QSER1: variants seen among roughly 807,000 people sequenced by gnomAD.
The protein encoded by QSER1 is glutamine and serine rich 1, also known as glutamine and serine-rich protein 1.
A neutral mutation model predicts 158.5 loss-of-function variants in QSER1; 49 were observed. The ratio of observed to expected loss-of-function variants is 0.31; its 90% CI spans 0.25 to 0.39. QSER1 has a LOEUF of 0.39. QSER1 is among the 10% of genes least tolerant of loss of function. The probability of loss-of-function intolerance (pLI) is 1.00; values close to 1 mark genes in which losing one functional copy is unlikely to be tolerated. For missense variants in QSER1, 1,754 were observed against 2,010.3 expected (o/e 0.87, Z 2.44); for synonymous variants, 650 against 715.5 (o/e 0.91, Z 1.46).
At chr11:32,935,543 C>A in intron 4 of QSER1, 108 bp downstream of exon 4, 1 of 822,482 alleles carries the variant, frequency 1.2e-6, no homozygotes, top group Non-Finnish European at 1.9e-6. Flanking sequence ...AGTACATTTT[C>A]AGGACAAAAT....
At chr11:32,920,554 C>CATGA (rs979463502) in intron 1 of QSER1, among the ~76,000 whole-genome samples, 1 of 152,112 alleles carries the variant, frequency 6.6e-6, no homozygotes, top group African/African-American at 2.4e-5. Flanking sequence ...TTGTGCTGTA[C>CATGA]ATGATACCAT....
rs1851509861 is a variant in QSER1, at chr11:32,893,368, C to G, written c.209+34C>G. ...GGTGGGCGGCGGGGTCGCGGTGGAC[C>G]AGGAAAGGCCGGGGATGCGTTTGGG... On this transcript the variant is annotated intron_variant, in intron 1 of 12. Coordinates refer to ENST00000650167, the MANE Select transcript of QSER1 (RefSeq NM_001076786.3). The surrounding 1 kb of genome is among the most constrained non-coding windows in gnomAD (Gnocchi z 4.7). The G allele has an allele frequency of 6.6e-6, 1 of 152,382 alleles. No homozygotes were observed. 9.4% of individuals were successfully genotyped at this position (152,382 alleles called of 1,614,324 possible).
At chr11:32,947,936 T>C (rs1299544656) in intron 4 of QSER1, among the ~76,000 whole-genome samples, 1 of 152,220 alleles carries the variant, frequency 6.6e-6, no homozygotes, top group Non-Finnish European at 1.5e-5. Context: ...TTTTTCCATA[T>C]CTATGTTTTC....
intron 4 of QSER1, among the ~76,000 whole-genome samples, chr11:32,950,261 A>C (rs571492596): frequency 6.6e-6 from 1 of 151,882 alleles, no homozygotes; most frequent in Non-Finnish European, 1.5e-5. Context: ...CACCTGGCTA[A>C]TTTTTGTATT....
At chr11:32,896,475 C>T (rs2133483303) in intron 1 of QSER1, among the ~76,000 whole-genome samples, 1 of 152,266 alleles carries the variant, frequency 6.6e-6, no homozygotes, top group South Asian at 2.1e-4. Context: ...CTGCCTCAGC[C>T]TCCTGAGTAG....
At chr11:32,927,907 A>G in intron 2 of QSER1, 55 bp from the exon 3 acceptor site, 1 of 437,658 alleles carries the variant, frequency 2.3e-6, no homozygotes, top group Non-Finnish European at 3.8e-6. Flanking sequence ...AATATAATTT[A>G]TACAAGTAAA....
At position 32,934,269 on chromosome 11, in the gene QSER1, A is replaced by G; in HGVS notation, c.3011A>G (p.Asn1004Ser). The G allele has an allele frequency of 6.2e-7, 1 of 1,614,048 alleles. No homozygotes were observed. Among genetic ancestry groups the G allele is most frequent in the Non-Finnish European group, 8.5e-7 (1 of 1,179,980 alleles). Residue 1004 changes from asparagine to serine, a missense_variant, in exon 4 of 13, where the codon AAT (asparagine) becomes AGT (serine). Coordinates refer to ENST00000650167, the MANE Select transcript of QSER1 (RefSeq NM_001076786.3). The part of the protein sequence containing the change: ...TPTDFSKSTS[N>S]ETMQAVEDGD... ...ACTGATTTTTCCAAGTCAACTTCAA[A>G]TGAAACCATGCAGGCTGTTGAAGAT...
chr11:32,974,783 T>C (rs1264225977), intron 11 of QSER1, among the ~76,000 whole-genome samples: 1 of 152,146 alleles, frequency 6.6e-6, no homozygotes, highest in Non-Finnish European at 1.5e-5. Context: ...CAATTATTAG[T>C]TAGGTCAAAA....
intron 4 of QSER1, among the ~76,000 whole-genome samples, chr11:32,951,069 T>C (rs746762297): frequency 1.1e-4 from 16 of 152,216 alleles, no homozygotes; most frequent in Admixed American, 7.9e-4. Context: ...TATTTTCCAA[T>C]GTGGCTGTAC....
chr11:32,935,379 G>C lies in QSER1; in HGVS notation c.4121G>C (p.Ser1374Thr), dbSNP rs1177230005. The change falls in exon 4 of 13, where the codon AGC becomes ACC. Residue 1374 changes from serine to threonine, a missense_variant. Ser to Thr is a moderately conservative substitution (Grantham distance 58). Coordinates refer to ENST00000650167, the MANE Select transcript of QSER1 (RefSeq NM_001076786.3). ...DPGYSQDAYK[S>T]VSTPLTTLDA... ...GGATATAGTCAAGATGCTTATAAAAGCGTCTCTACTCCCTTAACTACTTTG... is the reference window on the plus strand; with the variant it reads ...GGATATAGTCAAGATGCTTATAAAACCGTCTCTACTCCCTTAACTACTTTG... The C allele has an allele frequency of 6.3e-7, 1 of 1,597,774 alleles. No homozygotes were observed. The highest frequency in any genetic ancestry group is 8.5e-7 in the Non-Finnish European group (1 of 1,175,446).
chr11:32,900,302 C>T (rs1426802750), intron 1 of QSER1, among the ~76,000 whole-genome samples: 1 of 152,166 alleles, frequency 6.6e-6, no homozygotes, highest in African/African-American at 2.4e-5. Context: ...TGACTCATAC[C>T]TGTAATCCCA....
chr11:32,933,985 T>C lies in QSER1; in HGVS notation c.2727T>C (p.Asp909=). The change falls in exon 4 of 13, where the codon GAT becomes GAC. Residue 909 remains aspartate, a synonymous_variant. Transcript: ENST00000650167. ...GTCATGTTATTCAAAGCAATGGTGA[T>C]CATTCTCAGCAGCAACTCCATCCTC... ...MEGHVIQSNG[D]HSQQQLHPQN... 6 of 1,613,918 alleles carry C rather than the reference T, an allele frequency of 3.7e-6. No homozygotes were observed. The highest frequency in any genetic ancestry group is 5.1e-6 in the Non-Finnish European group (6 of 1,179,944).
chr11:32,918,313 T>A (rs1333965521), intron 1 of QSER1, among the ~76,000 whole-genome samples: 1 of 152,158 alleles, frequency 6.6e-6, no homozygotes, highest in Non-Finnish European at 1.5e-5. Flanking sequence ...ATATAGTAAA[T>A]ACATATAGTA....
intron 4 of QSER1, among the ~76,000 whole-genome samples, chr11:32,940,607 T>A (rs1813952941): frequency 1.3e-5 from 2 of 152,182 alleles, no homozygotes; most frequent in Non-Finnish European, 1.5e-5. Context: ...TAAGAATAGA[T>A]CTAACTAACT....
At chr11:32,916,176 C>T (rs146010959) in intron 1 of QSER1, among the ~76,000 whole-genome samples, 89 of 152,254 alleles carry the variant, frequency 5.8e-4, no homozygotes, top group Non-Finnish European at 8.8e-4. Context: ...GCTGGGATTA[C>T]GGGCATGAGC....
At chr11:32,938,841 A>C (rs1852190515) in intron 4 of QSER1, among the ~76,000 whole-genome samples, 1 of 152,194 alleles carries the variant, frequency 6.6e-6, no homozygotes, top group African/African-American at 2.4e-5. Context: ...GAAAAAAAAA[A>C]CTAATGGAAC....
chr11:32,903,880 G>A (rs1590708711), intron 1 of QSER1, among the ~76,000 whole-genome samples: 1 of 152,288 alleles, frequency 6.6e-6, no homozygotes, highest in East Asian at 1.9e-4. Flanking sequence ...CCATAGTGCT[G>A]GGATTACAGG....
At chr11:32,915,929 T>G (rs909130019) in intron 1 of QSER1, among the ~76,000 whole-genome samples, 1 of 152,086 alleles carries the variant, frequency 6.6e-6, no homozygotes, top group East Asian at 1.9e-4. Context: ...TTGTTTTTTT[T>G]TTTTTGAGAT....
chr11:32,948,988 CT>C (rs1852381717), intron 4 of QSER1, among the ~76,000 whole-genome samples: 2 of 152,096 alleles, frequency 1.3e-5, no homozygotes, highest in South Asian at 4.1e-4. Flanking sequence ...CAATATCTTC[CT>C]TTTTCTGGAT....
Sources: gnomAD v4.1 joint callset for allele counts (sites outside exome capture counted in the v4.1 genomes callset) on GRCh38, gnomAD v4.1.1 for gene constraint, Gnocchi (gnomAD v3.1) non-coding constraint, MANE v1.5 for transcripts, NCBI Gene and HGNC (gene_info 2026-07-23, HGNC 2026-07-21) for gene names.